The following PRKCA variants were observed in gnomAD, a reference collection of about 807,000 sequenced individuals.
PRKCA encodes the protein protein kinase C alpha type.
In PRKCA, 27 loss-of-function variants were observed where a neutral mutation model predicts 87.0. The ratio of observed to expected loss-of-function variants is 0.31; its 90% CI spans 0.23 to 0.43. The LOEUF (loss-of-function observed/expected upper bound fraction) is 0.43. PRKCA is among the 20% of genes least tolerant of loss of function. PRKCA has a pLI of 1.00. For synonymous variants in PRKCA, 329 were observed against 311.1 expected, an observed-to-expected ratio of 1.06 and a Z score of -0.61; for missense variants, 518 against 852.3, an observed-to-expected ratio of 0.61 and a Z score of 4.88.
chr17:66,587,709 GTATATGTGTGTATATGTATA>G (rs1969643462), intron 3 of PRKCA, among the ~76,000 whole-genome samples: 1 of 102,204 alleles, frequency 9.8e-6, no homozygotes, highest in Admixed American at 1.0e-4. Flanking sequence ...ACATATATAC[GTATATGTGTGTATATGTATA>G]CATATATACG....
chr17:66,770,833 G>A (rs1326863888), intron 13 of PRKCA, among the ~76,000 whole-genome samples: 1 of 152,174 alleles, frequency 6.6e-6, no homozygotes, highest in African/African-American at 2.4e-5. Context: ...TGGTGAAGGC[G>A]ATGAGTTTGA....
intron 2 of PRKCA, among the ~76,000 whole-genome samples, chr17:66,377,564 C>T (rs577633181): frequency 1.2e-4 from 18 of 146,070 alleles, no homozygotes; most frequent in African/African-American, 4.2e-4. Context: ...GCCTATATTA[C>T]ATATATAATA....
chr17:66,404,707 C>T (rs1911245028), intron 2 of PRKCA, among the ~76,000 whole-genome samples: 1 of 144,694 alleles, frequency 6.9e-6, no homozygotes, highest in South Asian at 2.3e-4. Context: ...CTGTTCCACA[C>T]ACTCCCATGC....
At chr17:66,607,930 G>T (rs983586821) in intron 3 of PRKCA, among the ~76,000 whole-genome samples, 2 of 152,300 alleles carry the variant, frequency 1.3e-5, no homozygotes, top group South Asian at 4.1e-4. Context: ...TAGCTACATG[G>T]TCTCTGAAGT....
chr17:66,775,045 A>C, intron 14 of PRKCA: 1 of 985,402 alleles, frequency 1.0e-6, no homozygotes, highest in South Asian at 4.7e-5. Context: ...CCCCTAAGAC[A>C]TCCTTTATGA....
At chr17:66,627,814 C>CA (rs1487111616) in intron 3 of PRKCA, among the ~76,000 whole-genome samples, 1 of 151,990 alleles carries the variant, frequency 6.6e-6, no homozygotes, top group African/African-American at 2.4e-5. Flanking sequence ...TATCCCCCCC[C>CA]AAAAAATTGA....
At chr17:66,764,380 A>G (rs1272593801) in intron 13 of PRKCA, among the ~76,000 whole-genome samples, 1 of 152,114 alleles carries the variant, frequency 6.6e-6, no homozygotes, top group Admixed American at 6.6e-5. Flanking sequence ...CCTGGTAGAG[A>G]GTGGAAGGCT....
intron 2 of PRKCA, among the ~76,000 whole-genome samples, chr17:66,313,005 C>T (rs756225062): frequency 5.3e-5 from 8 of 152,146 alleles, no homozygotes; most frequent in Non-Finnish European, 1.0e-4. Flanking sequence ...TCCCAAAGTG[C>T]TGGGATTACA....
At chr17:66,650,498 A>G (rs1971565076) in intron 5 of PRKCA, among the ~76,000 whole-genome samples, 1 of 152,230 alleles carries the variant, frequency 6.6e-6, no homozygotes, top group South Asian at 2.1e-4. Context: ...GTAAATGGAA[A>G]AAATATCGGG....
At chr17:66,343,204 T>C (rs1598604670) in intron 2 of PRKCA, among the ~76,000 whole-genome samples, 1 of 152,160 alleles carries the variant, frequency 6.6e-6, no homozygotes, top group East Asian at 1.9e-4. Flanking sequence ...TGCATATAAG[T>C]TTAAGTAATT....
At chr17:66,532,357 T>C (rs1480821501) in intron 3 of PRKCA, among the ~76,000 whole-genome samples, 1 of 140,468 alleles carries the variant, frequency 7.1e-6, no homozygotes, top group East Asian at 2.3e-4. Flanking sequence ...CATCCTTGAA[T>C]TTTATTTTAT....
intron 2 of PRKCA, among the ~76,000 whole-genome samples, chr17:66,396,308 A>T (rs1245705307): frequency 6.6e-6 from 1 of 152,196 alleles, no homozygotes; most frequent in Non-Finnish European, 1.5e-5. Flanking sequence ...GACTTGTGGG[A>T]AGGAGTGTGG....
At chr17:66,437,742 T>TGGGGGGG (rs1913483933) in intron 2 of PRKCA, among the ~76,000 whole-genome samples, 1 of 9,552 alleles carries the variant, frequency 1.0e-4, no homozygotes, top group African/African-American at 4.1e-4. Context: ...GAGCGGGGGG[T>TGGGGGGG]GGGTGGGGCG....
intron 8 of PRKCA, among the ~76,000 whole-genome samples, chr17:66,694,115 C>T (rs1972855234): frequency 6.6e-6 from 1 of 152,142 alleles, no homozygotes; most frequent in Non-Finnish European, 1.5e-5. Context: ...AGTGAGAAGT[C>T]AGCTTGCACT....
At chr17:66,734,163 C>T (rs1306696240) in intron 9 of PRKCA, among the ~76,000 whole-genome samples, 1 of 152,086 alleles carries the variant, frequency 6.6e-6, no homozygotes, top group African/African-American at 2.4e-5. Flanking sequence ...TGATCCAGAC[C>T]CCAAGAGGAG....
rs546551870 is a variant in PRKCA, at chr17:66,447,126, A to T, written c.206-49075A>T. On this transcript the variant is annotated intron_variant, in intron 2 of 16. Transcript: ENST00000413366. ...CACTCCGAGTGTAAGAGCTCTCTGT[A>T]TGTAGAGGACCAGCTTTCTGAGAAT... 2.0e-5 allele frequency among the ~76,000 whole-genome samples: 3 copies of T among 152,296 alleles called. No homozygotes were observed. In the South Asian group the frequency reaches 6.2e-4, roughly 32 times the overall value.
chr17:66,673,129 A>G (rs990002117), intron 5 of PRKCA, among the ~76,000 whole-genome samples: 2 of 152,352 alleles, frequency 1.3e-5, no homozygotes, highest in South Asian at 4.1e-4. Flanking sequence ...TTGAAACATC[A>G]GAATTATAGA....
At chr17:66,589,978 C>T (rs2143530098) in intron 3 of PRKCA, among the ~76,000 whole-genome samples, 1 of 152,276 alleles carries the variant, frequency 6.6e-6, no homozygotes, top group South Asian at 2.1e-4. Flanking sequence ...GAATCTCATG[C>T]CGCCGGTGAT....
intron 3 of PRKCA, among the ~76,000 whole-genome samples, chr17:66,526,401 A>C (rs1265602933): frequency 1.3e-5 from 2 of 152,180 alleles, no homozygotes; most frequent in Non-Finnish European, 2.9e-5. Flanking sequence ...CATAATCTGC[A>C]TGTCACCTGA....
Sources: gnomAD v4.1 joint callset for allele counts (sites outside exome capture counted in the v4.1 genomes callset) on GRCh38, gnomAD v4.1.1 for gene constraint, MANE v1.5 for transcripts, NCBI Gene and HGNC (gene_info 2026-07-23, HGNC 2026-07-21) for gene names.